DNAH11: variants seen among roughly 807,000 people sequenced by gnomAD.
DNAH11 encodes the protein dynein axonemal heavy chain 11.
DNAH11 carries 442 observed loss-of-function variants against 526.0 expected under a neutral mutation model. The ratio of observed to expected loss-of-function variants is 0.84; its 90% CI spans 0.78 to 0.91. The LOEUF is 0.91. Ranked by LOEUF, DNAH11 falls within the 40% of genes least tolerant of loss-of-function variation. The probability of loss-of-function intolerance (pLI) is 0.00; values close to 1 mark genes in which losing one functional copy is unlikely to be tolerated. For missense variants in DNAH11, 6,989 were observed against 5,448.7 expected (o/e 1.28, Z -8.90); for synonymous variants, 2,461 against 1,935.9 (o/e 1.27, Z -7.12).
rs561203964 is a variant in DNAH11, at chr7:21,635,948, A to G, written c.4578A>G (p.Leu1526=). Residue 1526 remains leucine (L), a synonymous_variant, in exon 26 of 82, where the codon TTA becomes TTG. Coordinates refer to ENST00000409508, the MANE Select transcript of DNAH11 (RefSeq NM_001277115.2). ...IEQVLSWQNK[L]NIADLVIFTW... ...AAGTGTTAAGCTGGCAAAATAAATTAAACATAGCAGACTTGGTCATCTTCA... is the reference window on the plus strand; with the variant it reads ...AAGTGTTAAGCTGGCAAAATAAATTGAACATAGCAGACTTGGTCATCTTCA... 1.2e-6 allele frequency: 2 copies of G among 1,613,488 alleles called. No individual in the cohort carries two copies. Among genetic ancestry groups the G allele is most frequent in the Non-Finnish European group, 1.7e-6 (2 of 1,179,658 alleles).
chr7:21,638,993 C>G lies in DNAH11; in HGVS notation c.4872C>G (p.Ala1624=). 1 of 1,613,722 alleles carries G rather than the reference C, an allele frequency of 6.2e-7. No individual in the cohort carries two copies. The highest frequency in any genetic ancestry group is 8.5e-7 in the Non-Finnish European group (1 of 1,179,720). The change falls in exon 28 of 82, where the codon GCC becomes GCG. Residue 1624 remains alanine, a synonymous_variant. Coordinates refer to ENST00000409508, the MANE Select transcript of DNAH11 (RefSeq NM_001277115.2). The part of the protein sequence containing the change: ...LAEYLETKRI[A]FPRFYFVSSA... ...AATACCTGGAAACCAAGCGCATAGC[C>G]TTTCCTCGCTTCTATTTCGTCTCTT...
intron 65 of DNAH11, among the ~76,000 whole-genome samples, chr7:21,834,222 T>C (rs1781901049): frequency 1.3e-5 from 2 of 152,054 alleles, no homozygotes; most frequent in Non-Finnish European, 2.9e-5. Context: ...ACTATACAAA[T>C]ACTTGGAGAT....
chr7:21,763,972 A>G (rs995534110), intron 54 of DNAH11, among the ~76,000 whole-genome samples: 1 of 152,012 alleles, frequency 6.6e-6, no homozygotes, highest in East Asian at 1.9e-4. Context: ...GCTTATGCGC[A>G]GTATTGAGAG....
At chr7:21,811,791 TTA>T (rs1789533975) in intron 63 of DNAH11, among the ~76,000 whole-genome samples, 1 of 152,052 alleles carries the variant, frequency 6.6e-6, no homozygotes, top group Non-Finnish European at 1.5e-5. Flanking sequence ...TTAATAGTAT[TTA>T]GAGTAAGTGT....
intron 42 of DNAH11, among the ~76,000 whole-genome samples, chr7:21,714,261 T>G (rs1178811415): frequency 6.6e-6 from 1 of 152,224 alleles, no homozygotes; most frequent in East Asian, 1.9e-4. Context: ...CATTAGATTT[T>G]ACTTTTGGGT....
chr7:21,839,325 A>T (rs1782114450), intron 65 of DNAH11, among the ~76,000 whole-genome samples: 2 of 152,148 alleles, frequency 1.3e-5, no homozygotes, highest in Non-Finnish European at 2.9e-5. Context: ...CTGTAATCCC[A>T]GCACTTTGGT....
Position 21,617,655 on chromosome 7 carries a change from G to T in DNAH11, c.4132G>T (p.Asp1378Tyr), listed in dbSNP as rs752199848. ...ACTCAACAAGGAAGTCCGCGTCTGG[G>T]ATGCTTACACGGGCCTGGAAGGCAC... Reference protein sequence around the residue: ...WSLNKEVRVWDAYTGLEGTVK... With the variant: ...WSLNKEVRVWYAYTGLEGTVK... Residue 1378 changes from aspartate (D) to tyrosine (Y), a missense_variant, in exon 23 of 82, where the codon GAT (aspartate) becomes TAT (tyrosine). Coordinates refer to ENST00000409508, the MANE Select transcript of DNAH11 (RefSeq NM_001277115.2). The T allele has an allele frequency of 3.1e-6, 5 of 1,613,838 alleles. No individual in the cohort carries two copies. Among genetic ancestry groups the T allele is most frequent in the Non-Finnish European group, 4.2e-6 (5 of 1,179,828 alleles).
intron 25 of DNAH11, among the ~76,000 whole-genome samples, chr7:21,630,501 G>C (rs1260487964): frequency 1.3e-5 from 2 of 152,150 alleles, no homozygotes; most frequent in East Asian, 1.9e-4. Context: ...AAACTATTCT[G>C]GTGGTGGCGA....
At chr7:21,701,167 A>G (rs969513887) in intron 36 of DNAH11, among the ~76,000 whole-genome samples, 1 of 151,838 alleles carries the variant, frequency 6.6e-6, no homozygotes, top group Admixed American at 6.6e-5. Context: ...GCCTCAGCCT[A>G]CTCCATCAGT....
chr7:21,867,594 C>G (rs960429896), intron 71 of DNAH11, among the ~76,000 whole-genome samples: 5 of 152,116 alleles, frequency 3.3e-5, no homozygotes, highest in African/African-American at 4.8e-5. Context: ...TAGCAGACAG[C>G]TGATGGCACT....
chr7:21,839,413 A>G (rs1782118712), intron 65 of DNAH11, among the ~76,000 whole-genome samples: 1 of 151,960 alleles, frequency 6.6e-6, no homozygotes, highest in Non-Finnish European at 1.5e-5. Context: ...TCTCTACTAA[A>G]AAATACAAAA....
At chr7:21,667,398 T>C (rs1274522104) in intron 30 of DNAH11, among the ~76,000 whole-genome samples, 1 of 152,092 alleles carries the variant, frequency 6.6e-6, no homozygotes, top group Non-Finnish European at 1.5e-5. Flanking sequence ...ATCTCTATTG[T>C]AGTGGTTGCA....
At chr7:21,784,173 A>G (rs988936406) in intron 57 of DNAH11, among the ~76,000 whole-genome samples, 1 of 152,236 alleles carries the variant, frequency 6.6e-6, no homozygotes, top group African/African-American at 2.4e-5. Flanking sequence ...GAGTTAGTCA[A>G]AGCTTTTCTT....
chr7:21,656,077 A>G (rs1035566108), intron 29 of DNAH11, 96 bp downstream of exon 29: 1 of 1,370,838 alleles, frequency 7.3e-7, no homozygotes, highest in East Asian at 2.5e-5. Context: ...AACCCAGGTC[A>G]AATCAGGCTC....
chr7:21,797,537 G>T (rs1159878482), intron 61 of DNAH11, among the ~76,000 whole-genome samples: 1 of 148,578 alleles, frequency 6.7e-6, no homozygotes, highest in Admixed American at 6.6e-5. Flanking sequence ...ATTTTTTCTA[G>T]TACATGTACA....
chr7:21,572,939 G>C (rs1783949796), intron 8 of DNAH11, among the ~76,000 whole-genome samples: 1 of 152,184 alleles, frequency 6.6e-6, no homozygotes, highest in Non-Finnish European at 1.5e-5. Context: ...GCACTTGGAA[G>C]GCATTCAATA....
chr7:21,875,713 C>A (rs1256496963), intron 74 of DNAH11, among the ~76,000 whole-genome samples: 3 of 152,022 alleles, frequency 2.0e-5, no homozygotes, highest in Non-Finnish European at 4.4e-5. Context: ...TAAAGATTCA[C>A]AGATTCCCCC....
At chr7:21,548,938 A>G (rs1782912427) in intron 2 of DNAH11, among the ~76,000 whole-genome samples, 1 of 151,588 alleles carries the variant, frequency 6.6e-6, no homozygotes. Flanking sequence ...CTGGAGTGCA[A>G]TGGCGCAATC....
chr7:21,714,295 G>T (rs937800527), intron 42 of DNAH11, among the ~76,000 whole-genome samples: 1 of 152,122 alleles, frequency 6.6e-6, no homozygotes, highest in African/African-American at 2.4e-5. Flanking sequence ...GTTTTATCCA[G>T]AATTAATGGG....
Sources: allele counts gnomAD v4.1 joint callset (sites outside exome capture counted in the v4.1 genomes callset), GRCh38; gene constraint gnomAD v4.1.1; transcripts MANE v1.5; gene names NCBI Gene and HGNC (gene_info 2026-07-23, HGNC 2026-07-21).